Variants in MTRF1 observed in about 807,000 individuals in gnomAD.
MTRF1 encodes mitochondrial translation release factor 1.
MTRF1 carries 51 observed loss-of-function variants against 62.9 expected under a neutral mutation model. The observed-to-expected ratio is 0.81, with a 90% confidence interval of 0.65 to 1.02. MTRF1 has a LOEUF of 1.02. Ranked by LOEUF, MTRF1 falls within the 50% of genes least tolerant of loss-of-function variation. The probability of loss-of-function intolerance (pLI) is 0.00; values close to 1 mark genes in which losing one functional copy is unlikely to be tolerated. For missense variants in MTRF1, 446 were observed against 530.0 expected (o/e 0.84, Z 1.56); for synonymous variants, 158 against 181.9 (o/e 0.87, Z 1.06).
At chr13:41,272,706 T>C in the MTRF1 span, among the ~76,000 whole-genome samples, 1 of 152,092 alleles carries the variant, frequency 6.6e-6, no homozygotes, top group Non-Finnish European at 1.5e-5. Context: ...CCTTCTACCA[T>C]CCTAGAAGCA....
intron 6 of MTRF1, chr13:41,235,562 G>A (rs969512978): frequency 6.6e-6 from 1 of 152,172 alleles, no homozygotes; most frequent in Admixed American, 6.5e-5. Flanking sequence ...CCAATGACAA[G>A]TGTCCTTATA....
At chr13:41,246,100 C>T in intron 5 of MTRF1, among the ~76,000 whole-genome samples, 1 of 152,162 alleles carries the variant, frequency 6.6e-6, no homozygotes, top group East Asian at 1.9e-4. Context: ...AGCTCATGTT[C>T]ATAACTGGCT....
chr13:41,308,811 G>A, the MTRF1 span, among the ~76,000 whole-genome samples: 1 of 152,198 alleles, frequency 6.6e-6, no homozygotes, highest in Non-Finnish European at 1.5e-5. Flanking sequence ...TGTACAGACA[G>A]TCTTGTCACC....
chr13:41,236,121 T>G (rs561854562), intron 6 of MTRF1: 396 of 41,610 alleles, frequency 9.5e-3, no homozygotes, highest in African/African-American at 0.013. Context: ...TTTTTTTTGG[T>G]TTTTTTTTGG....
At chr13:41,240,214 T>A (rs1593824399) in intron 6 of MTRF1, 47 bp downstream of exon 6, 4 of 1,476,930 alleles carry the variant, frequency 2.7e-6, no homozygotes, top group Non-Finnish European at 3.7e-6. Context: ...TCCAGCACAA[T>A]ACCCGTTGAC....
chr13:41,275,310 T>C, the MTRF1 span, among the ~76,000 whole-genome samples: 1 of 150,292 alleles, frequency 6.7e-6, no homozygotes, highest in African/African-American at 2.5e-5. Context: ...ATGCCATTCT[T>C]TTGCCTCAGT....
At chr13:41,296,681 A>G in the MTRF1 span, among the ~76,000 whole-genome samples, 7 of 152,114 alleles carry the variant, frequency 4.6e-5, no homozygotes, top group African/African-American at 1.4e-4. Context: ...TTTGTCAGTC[A>G]TAATTTTATT....
intron 7 of MTRF1, among the ~76,000 whole-genome samples, chr13:41,228,832 A>G (rs1468656916): frequency 6.6e-6 from 1 of 152,230 alleles, no homozygotes; most frequent in Non-Finnish European, 1.5e-5. Context: ...CATGACATGG[A>G]GAAAATAGAA....
the MTRF1 span, among the ~76,000 whole-genome samples, chr13:41,269,480 G>A: frequency 6.6e-6 from 1 of 151,918 alleles, no homozygotes; most frequent in Admixed American, 6.6e-5. Flanking sequence ...TTACAGGAAT[G>A]AGCAACCACG....
intron 5 of MTRF1, among the ~76,000 whole-genome samples, chr13:41,243,575 C>T (rs757227226): frequency 7.2e-5 from 11 of 152,116 alleles, no homozygotes; most frequent in Non-Finnish European, 1.5e-4. Context: ...ACTGCTATAA[C>T]CCTGAGTAAT....
chr13:41,228,552 G>C (rs543392902), intron 7 of MTRF1, among the ~76,000 whole-genome samples: 2 of 152,228 alleles, frequency 1.3e-5, no homozygotes, highest in Non-Finnish European at 2.9e-5. Context: ...CTGGACAACA[G>C]AGCAAGACCC....
chr13:41,257,671 A>G (rs966921666), intron 2 of MTRF1: 1 of 306,168 alleles, frequency 3.3e-6, no homozygotes, highest in African/African-American at 2.1e-5. Flanking sequence ...GGTTGCACAC[A>G]CCTGTAGTCC....
At chr13:41,241,603 G>A (rs886371709) in intron 5 of MTRF1, among the ~76,000 whole-genome samples, 3 of 152,184 alleles carry the variant, frequency 2.0e-5, no homozygotes, top group East Asian at 1.9e-4. Context: ...AGCCCTAGGC[G>A]CTACAGTTTA....
rs1243512458 is a variant in MTRF1, at chr13:41,227,405, A to AT, written c.989-838dup. ...TGTTTCTGAGTTTTCTGAGTTCTAA[A>AT]TTTCTAAGTTGTTCTGCGTAGTCTA... On this transcript the variant is annotated intron_variant, in intron 7 of 9. Transcript: ENST00000379480. Among the ~76,000 whole-genome samples, 16 of 152,254 alleles carry AT rather than the reference A, an allele frequency of 1.1e-4. No individual in the cohort carries two copies. The South Asian group carries it at 3.3e-3, about 32-fold the overall frequency.
At chr13:41,276,941 A>G in the MTRF1 span, among the ~76,000 whole-genome samples, 1 of 152,030 alleles carries the variant, frequency 6.6e-6, no homozygotes, top group African/African-American at 2.4e-5. Context: ...GTGCAAGAGG[A>G]CAGCTTCAAC....
chr13:41,277,961 C>T, the MTRF1 span, among the ~76,000 whole-genome samples: 1 of 152,230 alleles, frequency 6.6e-6, no homozygotes, highest in Non-Finnish European at 1.5e-5. Context: ...TTTCACTGTA[C>T]TACAGTCCAC....
the MTRF1 span, among the ~76,000 whole-genome samples, chr13:41,300,695 C>T: frequency 6.6e-6 from 1 of 152,068 alleles, no homozygotes; most frequent in Non-Finnish European, 1.5e-5. Context: ...TAGGCATGAG[C>T]CACTGCACCT....
the MTRF1 span, among the ~76,000 whole-genome samples, chr13:41,288,858 G>C: frequency 6.6e-6 from 1 of 152,152 alleles, no homozygotes; most frequent in Non-Finnish European, 1.5e-5. Flanking sequence ...TAATGCATTT[G>C]GTTCAGGAAC....
At chr13:41,276,949 A>G in the MTRF1 span, among the ~76,000 whole-genome samples, 3 of 152,070 alleles carry the variant, frequency 2.0e-5, no homozygotes, top group East Asian at 5.8e-4. Flanking sequence ...GGACAGCTTC[A>G]ACTCCCTATG....
Sources: allele counts gnomAD v4.1 joint callset (sites outside exome capture counted in the v4.1 genomes callset), GRCh38; gene constraint gnomAD v4.1.1; transcripts MANE v1.5; gene names NCBI Gene and HGNC (gene_info 2026-07-23, HGNC 2026-07-21).